CSMD3: variants seen among roughly 807,000 people sequenced by gnomAD.
CSMD3 encodes the protein CUB and Sushi multiple domains 3.
In CSMD3, 177 loss-of-function variants were observed where a neutral mutation model predicts 435.2. The observed-to-expected ratio is 0.41, with a 90% CI of 0.36 to 0.46. The LOEUF is 0.46. Ranked by LOEUF, CSMD3 falls within the 20% of genes least tolerant of loss-of-function variation. The probability of loss-of-function intolerance (pLI) is 0.34; values close to 1 mark genes in which losing one functional copy is unlikely to be tolerated. For synonymous variants in CSMD3, 1,656 were observed against 1,520.5 expected (o/e 1.09, Z -2.07); for missense variants, 4,265 against 4,504.6 (o/e 0.95, Z 1.52).
At chr8:113,261,250 C>A (rs1161001918) in intron 3 of CSMD3, among the ~76,000 whole-genome samples, 1 of 151,970 alleles carries the variant, frequency 6.6e-6, no homozygotes, top group Non-Finnish European at 1.5e-5. Context: ...ATAACTGTTA[C>A]TTTTGGTTCC....
intron 1 of CSMD3, among the ~76,000 whole-genome samples, chr8:113,434,799 C>T (rs1015196069): frequency 6.6e-6 from 1 of 152,192 alleles, no homozygotes. Context: ...TAGGTGCGGG[C>T]AGCCGGGGCT....
At chr8:112,572,908 T>C (rs954238416) in intron 24 of CSMD3, among the ~76,000 whole-genome samples, 9 of 14,624 alleles carry the variant, frequency 6.2e-4, no homozygotes, top group Non-Finnish European at 9.4e-4. Flanking sequence ...CATATAACAA[T>C]TGATGAAACC....
At chr8:112,383,144 G>C (rs1829627859) in intron 37 of CSMD3, among the ~76,000 whole-genome samples, 1 of 151,934 alleles carries the variant, frequency 6.6e-6, no homozygotes, top group Admixed American at 6.6e-5. Flanking sequence ...AAATAATTCT[G>C]TATTCTCTTT....
chr8:113,247,119 T>C (rs988043914), intron 3 of CSMD3, among the ~76,000 whole-genome samples: 4 of 152,234 alleles, frequency 2.6e-5, no homozygotes, highest in African/African-American at 9.6e-5. Context: ...TCTATCTCAT[T>C]CTCCACAGGA....
At chr8:112,265,740 C>T (rs1232351979) in intron 59 of CSMD3, 150 bp from the exon 60 acceptor site, 11 of 696,744 alleles carry the variant, frequency 1.6e-5, no homozygotes, top group Non-Finnish European at 2.6e-5. Flanking sequence ...ATTTAAACCA[C>T]ATACTGGCAA....
At chr8:113,368,900 T>C (rs895850258) in intron 1 of CSMD3, among the ~76,000 whole-genome samples, 2 of 152,078 alleles carry the variant, frequency 1.3e-5, no homozygotes, top group Non-Finnish European at 2.9e-5. Flanking sequence ...TTGCTGAGAA[T>C]AGTGAAGCAT....
At chr8:112,864,196 A>C (rs2129940361) in intron 10 of CSMD3, among the ~76,000 whole-genome samples, 1 of 152,216 alleles carries the variant, frequency 6.6e-6, no homozygotes, top group East Asian at 1.9e-4. Flanking sequence ...TAAAATATAT[A>C]ACTCATATAA....
At chr8:112,572,286 T>C (rs1829595072) in intron 24 of CSMD3, among the ~76,000 whole-genome samples, 1 of 152,156 alleles carries the variant, frequency 6.6e-6, no homozygotes, top group African/African-American at 2.4e-5. Flanking sequence ...TAAAAATATG[T>C]ATTCAGCATT....
chr8:113,414,147 A>G (rs915667819), intron 1 of CSMD3, among the ~76,000 whole-genome samples: 1 of 152,210 alleles, frequency 6.6e-6, no homozygotes, highest in African/African-American at 2.4e-5. Context: ...GTGCTTTCCA[A>G]TATGGTAGCC....
At chr8:112,510,904 G>C (rs1463469451) in intron 28 of CSMD3, among the ~76,000 whole-genome samples, 1 of 152,142 alleles carries the variant, frequency 6.6e-6, no homozygotes, top group African/African-American at 2.4e-5. Flanking sequence ...TATGTAAATA[G>C]TGAAGATGAC....
intron 7 of CSMD3, among the ~76,000 whole-genome samples, chr8:112,964,088 T>C (rs2084330703): frequency 6.6e-6 from 1 of 151,834 alleles, no homozygotes; most frequent in African/African-American, 2.4e-5. Context: ...CTCATTGAAA[T>C]CACAAAATAT....
At chr8:113,275,055 T>C (rs1307919129) in intron 3 of CSMD3, among the ~76,000 whole-genome samples, 1 of 152,112 alleles carries the variant, frequency 6.6e-6, no homozygotes, top group Non-Finnish European at 1.5e-5. Context: ...AATGCTTATA[T>C]ATAAAGTACT....
In CSMD3 at chr8:112,612,709, C is replaced by CTTT. The variant is rs532290154; in HGVS notation, c.3715+24105_3715+24107dup. 3.6e-4 allele frequency among the ~76,000 whole-genome samples: 24 copies of CTTT among 65,888 alleles called. 1 individual carries two copies. The highest frequency in any genetic ancestry group is 1.0e-3 in the African/African-American group (18 of 17,192). The allele number at this position is 65,888 out of a possible 152,430, so 43.2% of individuals were successfully genotyped here. A position where few individuals can be genotyped will look rare whatever the true frequency, so the allele number is the denominator to read the frequency against. On this transcript the variant is annotated intron_variant, in intron 22 of 70. Coordinates refer to ENST00000297405, the MANE Select transcript of CSMD3 (RefSeq NM_198123.2). ...TTTCTGAACTCTTTCTTTCTTTGTT[C>CTTT]TTTTTTTTTTTTTTTTTTTTTTTTT...
chr8:113,286,360 T>C (rs754782604), intron 2 of CSMD3, among the ~76,000 whole-genome samples: 4 of 152,100 alleles, frequency 2.6e-5, no homozygotes, highest in African/African-American at 4.8e-5. Flanking sequence ...ATAACTAATA[T>C]GAAAAGTACT....
chr8:113,326,053 G>C (rs2093981628), intron 1 of CSMD3, among the ~76,000 whole-genome samples: 1 of 152,164 alleles, frequency 6.6e-6, no homozygotes, highest in African/African-American at 2.4e-5. Context: ...TTTTAAATAA[G>C]AGGGATTATG....
chr8:113,284,669 G>A (rs1473262849), intron 2 of CSMD3, among the ~76,000 whole-genome samples: 1 of 151,946 alleles, frequency 6.6e-6, no homozygotes, highest in Admixed American at 6.6e-5. Flanking sequence ...TTTTCACTTG[G>A]ACTTAACATG....
At chr8:112,413,086 T>A (rs767508856) in intron 32 of CSMD3, among the ~76,000 whole-genome samples, 1 of 152,162 alleles carries the variant, frequency 6.6e-6, no homozygotes, top group Non-Finnish European at 1.5e-5. Context: ...TAACTTAGAT[T>A]TTAAAAAAAT....
chr8:113,062,253 TA>T (rs1398660463), intron 5 of CSMD3, among the ~76,000 whole-genome samples: 1 of 151,872 alleles, frequency 6.6e-6, no homozygotes, highest in East Asian at 1.9e-4. Flanking sequence ...ATATACACAC[TA>T]AAAGTATCCC....
chr8:112,232,535 G>A (rs1813187338), intron 68 of CSMD3, among the ~76,000 whole-genome samples: 1 of 152,126 alleles, frequency 6.6e-6, no homozygotes, highest in African/African-American at 2.4e-5. Context: ...CTTGAACCTG[G>A]GAGGTAGAGG....
Sources: allele counts gnomAD v4.1 joint callset (sites outside exome capture counted in the v4.1 genomes callset), GRCh38; gene constraint gnomAD v4.1.1; transcripts MANE v1.5; gene names NCBI Gene and HGNC (gene_info 2026-07-23, HGNC 2026-07-21).